Variants in USP54 observed in about 807,000 individuals in gnomAD.
The protein encoded by USP54 is ubiquitin specific peptidase 54.
A neutral mutation model predicts 170.5 loss-of-function variants in USP54; 87 were observed. That is an observed-to-expected ratio of 0.51 (90% CI 0.43 to 0.61). The LOEUF (loss-of-function observed/expected upper bound fraction) is 0.61. Ranked by LOEUF, USP54 falls within the 20% of genes least tolerant of loss-of-function variation. The pLI is 0.00. For missense variants in USP54, 1,786 were observed against 2,047.8 expected, an observed-to-expected ratio of 0.87 and a Z score of 2.47; for synonymous variants, 655 against 742.8, an observed-to-expected ratio of 0.88 and a Z score of 1.92.
At chr10:73,594,259 T>C (rs967518433), upstream of USP54, among the ~76,000 whole-genome samples, 2 of 151,980 alleles carry the variant, frequency 1.3e-5, no homozygotes, top group Middle Eastern at 3.2e-3. Flanking sequence ...TTAGTAGAGA[T>C]GGGGCTTCAC....
At chr10:73,615,500 T>C (rs1051385212) in intron 1 of USP54, among the ~76,000 whole-genome samples, 5 of 150,654 alleles carry the variant, frequency 3.3e-5, no homozygotes, top group Admixed American at 2.6e-4. Context: ...AAATAATGAA[T>C]GCTGAGAGGA....
intron 1 of USP54, among the ~76,000 whole-genome samples, chr10:73,584,508 T>A (rs1478654872): frequency 6.6e-6 from 1 of 152,212 alleles, no homozygotes; most frequent in East Asian, 1.9e-4. Flanking sequence ...GTTTTATTAG[T>A]TCAGAAACCT....
chr10:73,502,192 T>C (rs2058270686), intron 22 of USP54, among the ~76,000 whole-genome samples: 2 of 152,242 alleles, frequency 1.3e-5, no homozygotes, highest in South Asian at 2.1e-4. Flanking sequence ...GAATTTGTGT[T>C]GTTTCATCAG....
chr10:73,560,016 G>A (rs193081018), intron 4 of USP54, among the ~76,000 whole-genome samples: 4 of 152,092 alleles, frequency 2.6e-5, no homozygotes, highest in South Asian at 4.2e-4. Context: ...CTGCACTCCA[G>A]CCTGGGTGAC....
chr10:73,595,954 T>G (rs1348580715), upstream of USP54, among the ~76,000 whole-genome samples: 1 of 150,210 alleles, frequency 6.7e-6, no homozygotes, highest in African/African-American at 2.5e-5. Flanking sequence ...TGACTAAAAA[T>G]ACAACAATTA....
intron 20 of USP54, 108 bp downstream of exon 20, chr10:73,516,267 A>T: frequency 8.1e-7 from 1 of 1,234,268 alleles, no homozygotes; most frequent in Non-Finnish European, 1.1e-6. Context: ...ATTACCTCCT[A>T]CTAAGCTGGG....
chr10:73,550,310 T>C (rs191470062), intron 4 of USP54, among the ~76,000 whole-genome samples: 2 of 152,352 alleles, frequency 1.3e-5, no homozygotes, highest in East Asian at 3.9e-4. Flanking sequence ...ACTTGAGTTC[T>C]ATGCCTGGAT....
At chr10:73,559,333 G>A (rs547900590) in intron 4 of USP54, among the ~76,000 whole-genome samples, 2 of 152,230 alleles carry the variant, frequency 1.3e-5, no homozygotes, top group South Asian at 4.2e-4. Flanking sequence ...GGCCAAGGCA[G>A]GCAGATAACC....
chr10:73,515,650 A>G (rs545515314), intron 20 of USP54, among the ~76,000 whole-genome samples: 2 of 152,314 alleles, frequency 1.3e-5, no homozygotes, highest in Non-Finnish European at 2.9e-5. Flanking sequence ...GAGCATATGG[A>G]CATCCTACTG....
At chr10:73,569,942 A>AAAAAAAAAAAAAC (rs2074769239) in intron 4 of USP54, among the ~76,000 whole-genome samples, 1 of 118,068 alleles carries the variant, frequency 8.5e-6, no homozygotes. Context: ...AAAAAAAAAC[A>AAAAAAAAAAAAAC]CCCTCCATAG....
At chr10:73,553,289 T>C (rs2070047676) in intron 4 of USP54, 1 of 152,160 alleles carries the variant, frequency 6.6e-6, no homozygotes, top group South Asian at 2.1e-4. Context: ...GACTACATCT[T>C]CTTTATTCTC....
chr10:73,527,298 G>C (rs1371304431), intron 15 of USP54, among the ~76,000 whole-genome samples: 4 of 152,048 alleles, frequency 2.6e-5, no homozygotes, highest in African/African-American at 9.7e-5. Flanking sequence ...AAGAGATCAA[G>C]ACCATCCTGG....
intron 1 of USP54, among the ~76,000 whole-genome samples, chr10:73,588,516 GC>G (rs752381083): frequency 2.0e-4 from 30 of 152,260 alleles, no homozygotes; most frequent in Admixed American, 4.6e-4. Flanking sequence ...GAGCCACCGC[GC>G]CCAGCCTGGG....
rs537649468 is a variant in USP54, at chr10:73,498,682, C to T, written c.5002G>A (p.Ala1668Thr). The T allele has an allele frequency of 3.9e-5, 62 of 1,599,806 alleles. 1 individual carries two copies. The African/African-American group carries it at 6.7e-4, about 17-fold the overall frequency. ...GEGFLFVLSDAPRREQIRARV... is the reference protein window; with the variant it reads ...GEGFLFVLSDTPRREQIRARV... ...GCCCTGATCTGCTCTCTTCTGGGAGCATCTGATAGAACAAACAGAAACCCC... is the reference window on the plus strand; with the variant it reads ...GCCCTGATCTGCTCTCTTCTGGGAGTATCTGATAGAACAAACAGAAACCCC... Residue 1668 changes from alanine to threonine, a missense_variant, in exon 24 of 24, where the codon GCT becomes ACT. Around this residue, in one of 3 missense-constraint regions of USP54, gnomAD observed 1,418 missense variants for 1,569.0 expected, o/e 0.90. Transcript: ENST00000687698.
chr10:73,585,384 C>G (rs1320062590), intron 1 of USP54, among the ~76,000 whole-genome samples: 3 of 152,192 alleles, frequency 2.0e-5, no homozygotes, highest in African/African-American at 7.2e-5. Flanking sequence ...AAGCATGGCA[C>G]CAGCATCTGC....
At chr10:73,601,489 T>C (rs1349748396) in intron 1 of USP54, among the ~76,000 whole-genome samples, 1 of 149,554 alleles carries the variant, frequency 6.7e-6, no homozygotes, top group Non-Finnish European at 1.5e-5. Flanking sequence ...TTTCAAAAGC[T>C]TCCCCAAAAA....
At chr10:73,505,986 A>G (rs2059066095) in intron 20 of USP54, 1 of 152,332 alleles carries the variant, frequency 6.6e-6, no homozygotes, top group African/African-American at 2.4e-5. Context: ...CTCAAGACTT[A>G]TAGACAGAGG....
chr10:73,600,838 C>CGG (rs1394743584), intron 1 of USP54, among the ~76,000 whole-genome samples: 1 of 152,026 alleles, frequency 6.6e-6, no homozygotes, highest in Non-Finnish European at 1.5e-5. Context: ...CGCTTGAACC[C>CGG]GGGGGGCGGA....
Position 73,539,533 on chromosome 10 carries a change from T to C in USP54, c.886A>G (p.Ile296Val). Residue 296 changes from isoleucine (I) to valine (V), a missense_variant, in exon 10 of 24, where the codon ATC becomes GTC. By Grantham distance (29) the Ile-to-Val change is conservative. Transcript: ENST00000687698. ...GAATAATGTTTGCCATAGTAACAGATCATTCCAACTAAGTACAGTTCAGAT... is the reference window on the plus strand; with the variant it reads ...GAATAATGTTTGCCATAGTAACAGACCATTCCAACTAAGTACAGTTCAGAT... ...KQSELYLVGM[I>V]CYYGKHYSTF... 6.2e-7 allele frequency: 1 copy of C among 1,612,294 alleles called. No individual in the cohort carries two copies. Among genetic ancestry groups the C allele is most frequent in the Non-Finnish European group, 8.5e-7 (1 of 1,178,832 alleles).
Sources: gnomAD v4.1 joint callset for allele counts (sites outside exome capture counted in the v4.1 genomes callset) on GRCh38, gnomAD v4.1.1 for gene constraint, gnomAD v4.1.1 regional missense constraint, MANE v1.5 for transcripts, NCBI Gene and HGNC (gene_info 2026-07-23, HGNC 2026-07-21) for gene names.